FBXL2: variants seen among roughly 807,000 people sequenced by gnomAD.
FBXL2 encodes F-box/LRR-repeat protein 2.
A neutral mutation model predicts 69.2 loss-of-function variants in FBXL2; 38 were observed. The ratio of observed to expected loss-of-function variants is 0.55; its 90% CI spans 0.42 to 0.72. The LOEUF (loss-of-function observed/expected upper bound fraction) is 0.72, where lower values mean the gene tolerates loss of function less well. FBXL2 is among the 30% of genes least tolerant of loss of function. FBXL2 has a pLI of 0.00. For synonymous variants in FBXL2, 192 were observed against 201.3 expected (o/e 0.95, Z 0.39); for missense variants, 354 against 520.3 (o/e 0.68, Z 3.11).
the FBXL2 span, among the ~76,000 whole-genome samples, chr3:33,421,360 C>T: frequency 0.066 from 10,074 of 152,216 alleles, 1,111 homozygotes; most frequent in African/African-American, 0.22. Context: ...GCAACCTCCA[C>T]CTCCCAGGTT....
At chr3:33,348,841 A>G (rs559137074) in intron 2 of FBXL2, among the ~76,000 whole-genome samples, 1 of 152,228 alleles carries the variant, frequency 6.6e-6, no homozygotes, top group African/African-American at 2.4e-5. Context: ...TCTTTGCCTG[A>G]TTCCTTATTT....
chr3:33,303,494 A>C (rs930704645), intron 2 of FBXL2, among the ~76,000 whole-genome samples: 12 of 152,152 alleles, frequency 7.9e-5, no homozygotes, highest in African/African-American at 2.9e-4. Flanking sequence ...TTTTATATCT[A>C]TATTGAGATG....
chr3:33,362,967 A>G (rs2041731731), intron 4 of FBXL2, among the ~76,000 whole-genome samples: 1 of 152,184 alleles, frequency 6.6e-6, no homozygotes, highest in Non-Finnish European at 1.5e-5. Context: ...AATAAATGCT[A>G]GCAGTATCAA....
chr3:33,394,222 T>G (rs1341526058), intron 12 of FBXL2, among the ~76,000 whole-genome samples: 1 of 146,214 alleles, frequency 6.8e-6, no homozygotes, highest in Admixed American at 6.7e-5. Flanking sequence ...ATTATTATTA[T>G]TATTTGTAGA....
At chr3:33,390,402 C>G (rs770186914), downstream of FBXL2, 4 of 1,613,654 alleles carry the variant, frequency 2.5e-6, no homozygotes, top group Non-Finnish European at 3.4e-6. Context: ...TTTCTTCAGT[C>G]AGGCTTAGGA....
intron 2 of FBXL2, among the ~76,000 whole-genome samples, chr3:33,344,581 A>G (rs2125867440): frequency 1.3e-5 from 2 of 152,314 alleles, no homozygotes; most frequent in South Asian, 4.1e-4. Flanking sequence ...TTCCAGATGG[A>G]TTGAAAACCA....
chr3:33,384,213 G>A lies in FBXL2; in HGVS notation c.1164+12G>A, dbSNP rs1559648906. ...TCAAGCGGATGCGGGTAGGTATGGG[G>A]CAGGGGAGTCAGTCACACCTGACAT... On this transcript the variant is annotated intron_variant, in intron 14 of 14. Transcript: ENST00000484457. 18 of 1,612,322 alleles carry A rather than the reference G, an allele frequency of 1.1e-5. No individual in the cohort carries two copies. The highest frequency in any genetic ancestry group is 1.4e-5 in the Non-Finnish European group (17 of 1,178,958).
intron 10 of FBXL2, among the ~76,000 whole-genome samples, chr3:33,376,718 A>G (rs2042663762): frequency 6.6e-6 from 1 of 152,220 alleles, no homozygotes; most frequent in South Asian, 2.1e-4. Flanking sequence ...AAAGTGAACA[A>G]GGCTGGGCAT....
downstream of FBXL2, among the ~76,000 whole-genome samples, chr3:33,404,359 C>T (rs1253307060): frequency 6.6e-6 from 1 of 151,928 alleles, no homozygotes; most frequent in African/African-American, 2.4e-5. Context: ...TTGCAGTGAG[C>T]CGAGATCGTG....
chr3:33,382,835 C>T (rs1332915342), intron 13 of FBXL2: 1 of 152,212 alleles, frequency 6.6e-6, no homozygotes, highest in Non-Finnish European at 1.5e-5. Context: ...AACTAAATTT[C>T]TTTACATAAC....
At chr3:33,346,376 A>G (rs1205845488) in intron 2 of FBXL2, among the ~76,000 whole-genome samples, 1 of 152,002 alleles carries the variant, frequency 6.6e-6, no homozygotes, top group Non-Finnish European at 1.5e-5. Flanking sequence ...TGAGTTCAAG[A>G]CCAAGCAAAC....
At chr3:33,393,456 T>G in intron 12 of FBXL2, 1 of 1,581,984 alleles carries the variant, frequency 6.3e-7, no homozygotes, top group Non-Finnish European at 8.5e-7. Context: ...CATGATAAAC[T>G]GAAATTAAAA....
chr3:33,363,580 G>A (rs2041770362), intron 4 of FBXL2, among the ~76,000 whole-genome samples: 1 of 152,158 alleles, frequency 6.6e-6, no homozygotes, highest in South Asian at 2.1e-4. Flanking sequence ...TTACCTGGTG[G>A]AATGACTCAG....
intron 13 of FBXL2, among the ~76,000 whole-genome samples, chr3:33,381,662 T>G: frequency 6.6e-6 from 1 of 150,684 alleles, no homozygotes; most frequent in Middle Eastern, 3.4e-3. Flanking sequence ...AAAAAGAAAA[T>G]GAAATATATA....
chr3:33,409,839 C>G, the FBXL2 span, among the ~76,000 whole-genome samples: 1 of 152,226 alleles, frequency 6.6e-6, no homozygotes, highest in East Asian at 1.9e-4. Context: ...CAGTGCCTCT[C>G]CTCTAATGCA....
chr3:33,329,918 G>A (rs907788087), intron 2 of FBXL2, among the ~76,000 whole-genome samples: 34 of 152,080 alleles, frequency 2.2e-4, no homozygotes, highest in Non-Finnish European at 2.5e-4. Context: ...GTTCAAGGTT[G>A]CAGTGAGCTG....
chr3:33,324,910 C>T (rs1478026195), intron 2 of FBXL2, among the ~76,000 whole-genome samples: 1 of 152,084 alleles, frequency 6.6e-6, no homozygotes, highest in Non-Finnish European at 1.5e-5. Context: ...GCCATTTTCA[C>T]GATATTGATT....
intron 1 of FBXL2, among the ~76,000 whole-genome samples, chr3:33,288,088 C>A (rs1206609636): frequency 6.6e-6 from 1 of 152,196 alleles, no homozygotes; most frequent in East Asian, 1.9e-4. Flanking sequence ...CTTCCTCTTC[C>A]AGCACTAGGG....
chr3:33,414,056 C>A, the FBXL2 span: 2 of 151,880 alleles, frequency 1.3e-5, no homozygotes, highest in Admixed American at 6.6e-5. Flanking sequence ...GACTTCAGAG[C>A]TTTACTAAGC....
Sources: allele counts gnomAD v4.1 joint callset (sites outside exome capture counted in the v4.1 genomes callset), GRCh38; gene constraint gnomAD v4.1.1; transcripts MANE v1.5; gene names NCBI Gene and HGNC (gene_info 2026-07-23, HGNC 2026-07-21).